The following GRM8 variants were observed in gnomAD, a reference collection of about 807,000 sequenced individuals.
GRM8 encodes the protein metabotropic glutamate receptor 8.
A neutral mutation model predicts 87.2 loss-of-function variants in GRM8; 47 were observed. The ratio of observed to expected loss-of-function variants is 0.54; its 90% CI spans 0.43 to 0.69. The LOEUF (loss-of-function observed/expected upper bound fraction) is 0.69. Among genes scored for constraint, GRM8 ranks in the 30% least tolerant of loss-of-function variants. The pLI is 0.00. For missense variants in GRM8, 1,019 were observed against 1,139.2 expected, an observed-to-expected ratio of 0.89 and a Z score of 1.52; for synonymous variants, 396 against 404.5, an observed-to-expected ratio of 0.98 and a Z score of 0.25.
intron 3 of GRM8, among the ~76,000 whole-genome samples, chr7:127,042,146 T>C (rs1818485250): frequency 6.6e-6 from 1 of 152,206 alleles, no homozygotes; most frequent in African/African-American, 2.4e-5. Flanking sequence ...CTGGTTCTGT[T>C]TTAACTTTGA....
rs1327776277 is a variant in GRM8, at chr7:127,025,105, C to G, written c.727+81391G>C. 2.0e-5 allele frequency among the ~76,000 whole-genome samples: 3 copies of G among 152,182 alleles called. No individual in the cohort carries two copies. The East Asian group carries it at 5.8e-4, about 30-fold the overall frequency. ...AACTTGGCCAAATCCTATAGCTTCT[C>G]AGCCACTTGAGCCTAAGAGCAGTCC... On this transcript the variant is annotated intron_variant, in intron 3 of 10. Coordinates refer to ENST00000339582, the MANE Select transcript of GRM8 (RefSeq NM_000845.3).
intron 3 of GRM8, among the ~76,000 whole-genome samples, chr7:126,912,111 G>A (rs892296052): frequency 7.2e-5 from 11 of 152,152 alleles, no homozygotes; most frequent in African/African-American, 2.2e-4. Context: ...GCAGGAGAAC[G>A]GCGTGAACCC....
chr7:126,523,734 C>T (rs1271974339), intron 9 of GRM8, among the ~76,000 whole-genome samples: 5 of 151,984 alleles, frequency 3.3e-5, no homozygotes, highest in African/African-American at 7.2e-5. Context: ...TTGGCCTCAG[C>T]GATCTGCCCA....
At chr7:127,014,950 AGAG>A (rs200662170) in intron 3 of GRM8, among the ~76,000 whole-genome samples, 6 of 129,072 alleles carry the variant, frequency 4.6e-5, no homozygotes, top group South Asian at 2.9e-4. Flanking sequence ...AGAGAAAGAG[AGAG>A]AGAAGAAGAA....
intron 3 of GRM8, among the ~76,000 whole-genome samples, chr7:126,938,044 A>T (rs1267949601): frequency 6.6e-6 from 1 of 152,214 alleles, no homozygotes; most frequent in African/African-American, 2.4e-5. Flanking sequence ...GTGGCTCAGT[A>T]AGAGCCTACA....
chr7:126,998,634 T>G (rs140729012), intron 3 of GRM8, among the ~76,000 whole-genome samples: 5 of 151,016 alleles, frequency 3.3e-5, no homozygotes, highest in African/African-American at 1.2e-4. Context: ...TGAAACAATC[T>G]GAAAAAGAAA....
At chr7:126,991,712 T>G (rs1005011242) in intron 3 of GRM8, among the ~76,000 whole-genome samples, 1 of 152,164 alleles carries the variant, frequency 6.6e-6, no homozygotes, top group African/African-American at 2.4e-5. Flanking sequence ...GAACTTCTAC[T>G]AAAGCAAAAA....
intron 2 of GRM8, among the ~76,000 whole-genome samples, chr7:127,223,095 T>C (rs1400116073): frequency 6.6e-6 from 1 of 152,040 alleles, no homozygotes; most frequent in South Asian, 2.1e-4. Flanking sequence ...CTTCCCTGTT[T>C]CTCCCATAAG....
At chr7:126,744,655 A>G (rs1472859218) in intron 7 of GRM8, among the ~76,000 whole-genome samples, 2 of 152,182 alleles carry the variant, frequency 1.3e-5, no homozygotes, top group South Asian at 4.1e-4. Flanking sequence ...GAAAACTGAA[A>G]TTAATCTTTA....
intron 2 of GRM8, among the ~76,000 whole-genome samples, chr7:127,170,175 G>A (rs1587188463): frequency 6.6e-6 from 1 of 152,058 alleles, no homozygotes; most frequent in Admixed American, 6.6e-5. Context: ...AAACATTTGT[G>A]ATTCATGGAA....
intron 9 of GRM8, among the ~76,000 whole-genome samples, chr7:126,503,819 C>T (rs921503195): frequency 6.6e-6 from 1 of 151,932 alleles, no homozygotes; most frequent in Admixed American, 6.6e-5. Flanking sequence ...GCAGAAGTGG[C>T]ATCTATCACT....
intron 6 of GRM8, among the ~76,000 whole-genome samples, chr7:126,817,258 C>A (rs1189365208): frequency 6.6e-6 from 1 of 152,110 alleles, no homozygotes; most frequent in Non-Finnish European, 1.5e-5. Flanking sequence ...TCCATTAATA[C>A]CTACCTTCAC....
intron 6 of GRM8, among the ~76,000 whole-genome samples, chr7:126,892,030 A>AAAC (rs1389138658): frequency 1.3e-5 from 2 of 151,136 alleles, no homozygotes; most frequent in Admixed American, 6.6e-5. Flanking sequence ...GTAAAAAAAA[A>AAAC]AAAAAAAAAA....
At chr7:126,992,073 T>G (rs1253334925) in intron 3 of GRM8, among the ~76,000 whole-genome samples, 1 of 152,194 alleles carries the variant, frequency 6.6e-6, no homozygotes, top group East Asian at 1.9e-4. Context: ...CTAAAGCTAC[T>G]ATAACCAGTG....
intron 3 of GRM8, among the ~76,000 whole-genome samples, chr7:127,006,363 T>A (rs1262723411): frequency 2.0e-5 from 3 of 151,982 alleles, no homozygotes; most frequent in African/African-American, 7.2e-5. Flanking sequence ...GTAAAAAGAC[T>A]CTCACCTTGC....
chr7:126,731,383 T>C (rs1466869348), intron 7 of GRM8, among the ~76,000 whole-genome samples: 1 of 152,142 alleles, frequency 6.6e-6, no homozygotes, highest in Non-Finnish European at 1.5e-5. Context: ...GAATCACCTT[T>C]TGCGTTTCCT....
At chr7:127,160,392 C>T (rs933438619) in intron 2 of GRM8, among the ~76,000 whole-genome samples, 6 of 152,092 alleles carry the variant, frequency 3.9e-5, no homozygotes, top group African/African-American at 1.4e-4. Context: ...AAAACAAAAA[C>T]TCACCAACAA....
chr7:126,862,591 C>T (rs903910883), intron 6 of GRM8, among the ~76,000 whole-genome samples: 1 of 151,978 alleles, frequency 6.6e-6, no homozygotes, highest in African/African-American at 2.4e-5. Flanking sequence ...TAACTGACTG[C>T]ATGCATCCTT....
At chr7:126,534,969 A>G (rs1815454799) in intron 8 of GRM8, among the ~76,000 whole-genome samples, 1 of 152,174 alleles carries the variant, frequency 6.6e-6, no homozygotes, top group African/African-American at 2.4e-5. Flanking sequence ...ACTAGAGCAG[A>G]GCCCTGAGGA....
Sources: allele counts gnomAD v4.1 joint callset (sites outside exome capture counted in the v4.1 genomes callset), GRCh38; gene constraint gnomAD v4.1.1; transcripts MANE v1.5; gene names NCBI Gene and HGNC (gene_info 2026-07-23, HGNC 2026-07-21).